Variants in CEP70 observed in about 807,000 individuals in gnomAD.
CEP70 encodes centrosomal protein 70, also known as centrosomal protein of 70 kDa.
A neutral mutation model predicts 90.9 loss-of-function variants in CEP70; 70 were observed. That is an observed-to-expected ratio of 0.77 (90% CI 0.64 to 0.94). CEP70 has a LOEUF of 0.94. CEP70 is among the 40% of genes least tolerant of loss of function. CEP70 has a pLI of 0.00. For synonymous variants in CEP70, 220 were observed against 228.3 expected (o/e 0.96, Z 0.33); for missense variants, 648 against 669.0 (o/e 0.97, Z 0.35).
At chr3:138,565,498 T>C (rs1267690401) in intron 6 of CEP70, among the ~76,000 whole-genome samples, 2 of 151,998 alleles carry the variant, frequency 1.3e-5, no homozygotes, top group Non-Finnish European at 2.9e-5. Flanking sequence ...GATATATAGA[T>C]CAATGGGACA....
chr3:138,556,743 G>C (rs1275327722), intron 6 of CEP70, among the ~76,000 whole-genome samples: 1 of 151,888 alleles, frequency 6.6e-6, no homozygotes, highest in Non-Finnish European at 1.5e-5. Flanking sequence ...TTTTTATTAG[G>C]GATTTTCAAA....
In CEP70 at chr3:138,521,006, C is replaced by T. The variant is rs982422444; in HGVS notation, c.944+4484G>A. Among the ~76,000 whole-genome samples the T allele has an allele frequency of 5.3e-5, 8 of 152,304 alleles. No homozygotes were observed. In the South Asian group the frequency reaches 8.3e-4, roughly 16 times the overall value. ...GTATTTTTTGGTGGAGACGGGGTTT[C>T]GCCATGTTGGCCGGGCTGCTCTCCA... is the stretch of plus-strand genomic sequence containing the variant. On this transcript the variant is annotated intron_variant, in intron 11 of 17. Coordinates refer to ENST00000264982, the MANE Select transcript of CEP70 (RefSeq NM_024491.4).
At chr3:138,564,013 G>T (rs2040600410) in intron 6 of CEP70, among the ~76,000 whole-genome samples, 1 of 152,086 alleles carries the variant, frequency 6.6e-6, no homozygotes, top group South Asian at 2.1e-4. Flanking sequence ...TGATAAAGGG[G>T]ATATCCCCAC....
chr3:138,500,452 C>CTAG lies in CEP70; in HGVS notation c.1481_1483dup (p.Thr494dup). The CTAG allele has an allele frequency of 6.2e-7, 1 of 1,609,222 alleles. No homozygotes were observed. Among genetic ancestry groups the CTAG allele is most frequent in the Non-Finnish European group, 8.5e-7 (1 of 1,178,884 alleles). ...CACAGCATTGTTCATTTCTCCAAGC[C>CTAG]TAGTATAAACTTCATTCATTCGGGG... On this transcript the variant is annotated inframe_insertion, in exon 15 of 18. Coordinates refer to ENST00000264982, the MANE Select transcript of CEP70 (RefSeq NM_024491.4).
At chr3:138,554,343 T>C (rs1161276983) in intron 6 of CEP70, among the ~76,000 whole-genome samples, 1 of 152,148 alleles carries the variant, frequency 6.6e-6, no homozygotes. Context: ...ATGAAAGCAT[T>C]CCCTTTGAGA....
intron 6 of CEP70, among the ~76,000 whole-genome samples, chr3:138,552,425 CACAAA>C (rs1265684933): frequency 6.6e-6 from 1 of 151,968 alleles, no homozygotes. Context: ...TATGATAGGC[CACAAA>C]ACAAGTCTCA....
At chr3:138,523,485 C>T (rs1240096268) in intron 11 of CEP70, among the ~76,000 whole-genome samples, 5 of 152,030 alleles carry the variant, frequency 3.3e-5, no homozygotes, top group African/African-American at 9.7e-5. Context: ...CCCATTGTCT[C>T]AGCCCAAAAT....
intron 17 of CEP70, chr3:138,496,697 C>G (rs2033978555): frequency 2.0e-6 from 2 of 985,230 alleles, no homozygotes; most frequent in Non-Finnish European, 2.4e-6. Flanking sequence ...CTTAGTGACA[C>G]CTATTAATTA....
At chr3:138,558,293 AG>A (rs1479538568) in intron 6 of CEP70, among the ~76,000 whole-genome samples, 1 of 152,146 alleles carries the variant, frequency 6.6e-6, no homozygotes, top group African/African-American at 2.4e-5. Flanking sequence ...TGAACCTGGG[AG>A]GTGGAGGTTG....
At chr3:138,581,388 A>G (rs2041847130) in intron 2 of CEP70, among the ~76,000 whole-genome samples, 1 of 151,908 alleles carries the variant, frequency 6.6e-6, no homozygotes, top group East Asian at 1.9e-4. Context: ...CTTAAAGAGG[A>G]AGTAGAAAGA....
intron 8 of CEP70, 75 bp downstream of exon 8, chr3:138,532,439 T>G: frequency 7.6e-7 from 1 of 1,317,260 alleles, no homozygotes; most frequent in South Asian, 1.7e-5. Context: ...TATTAAAGTT[T>G]CAAAAGCTAC....
intron 6 of CEP70, among the ~76,000 whole-genome samples, chr3:138,545,709 T>G (rs893376952): frequency 2.0e-5 from 3 of 152,082 alleles, no homozygotes; most frequent in African/African-American, 7.2e-5. Flanking sequence ...ATTAATACCC[T>G]GGGGAAGGAA....
chr3:138,555,060 C>T lies in CEP70; in HGVS notation c.465+15258G>A, dbSNP rs111533229. 4.2e-3 allele frequency among the ~76,000 whole-genome samples: 634 copies of T among 152,120 alleles called. 4 individuals are homozygous for T. The highest frequency in any genetic ancestry group is 0.014 in the African/African-American group (601 of 41,496). ...GGTCAGGAGTTCAAGACCAGCCTGG[C>T]GAACATTGTGAAACCCTGTCTCTAC... On this transcript the variant is annotated intron_variant, in intron 6 of 17. Transcript: ENST00000264982.
In CEP70 at chr3:138,556,527, C is replaced by CAA. The variant is rs57583939; in HGVS notation, c.465+13789_465+13790dup. ...TGGGTGACAGAGTGAGACTCTGTCTCAAAAAAAAAAAAAAAAAAAAAAAAG... is the reference window on the plus strand; with the variant it reads ...TGGGTGACAGAGTGAGACTCTGTCTCAAAAAAAAAAAAAAAAAAAAAAAAAAG... On this transcript the variant is annotated intron_variant, in intron 6 of 17. Coordinates refer to ENST00000264982, the MANE Select transcript of CEP70 (RefSeq NM_024491.4). Among the ~76,000 whole-genome samples, 193 of 69,456 alleles carry CAA rather than the reference C, an allele frequency of 2.8e-3. 2 individuals carry two copies. The highest frequency in any genetic ancestry group is 3.4e-3 in the Non-Finnish European group (133 of 39,548). The allele number at this position is 69,456 out of a possible 152,430, so 45.6% of individuals were successfully genotyped here. A position where few individuals can be genotyped will look rare whatever the true frequency, so the allele number is the denominator to read the frequency against.
chr3:138,505,681 G>GT (rs2034922722), intron 12 of CEP70, among the ~76,000 whole-genome samples: 1 of 152,146 alleles, frequency 6.6e-6, no homozygotes, highest in Non-Finnish European at 1.5e-5. Flanking sequence ...AAGGTAATGG[G>GT]TATTTGCAGT....
At chr3:138,526,042 T>C (rs2037211292) in intron 10 of CEP70, among the ~76,000 whole-genome samples, 1 of 152,222 alleles carries the variant, frequency 6.6e-6, no homozygotes, top group African/African-American at 2.4e-5. Context: ...AAATTTTTAC[T>C]ACATATTTAT....
intron 2 of CEP70, among the ~76,000 whole-genome samples, chr3:138,587,186 T>A (rs1382782463): frequency 6.6e-6 from 1 of 151,924 alleles, no homozygotes; most frequent in Non-Finnish European, 1.5e-5. Context: ...TAGTAACTTT[T>A]AAAAACTAAT....
At chr3:138,541,641 T>C (rs1176172388) in intron 6 of CEP70, among the ~76,000 whole-genome samples, 1 of 152,158 alleles carries the variant, frequency 6.6e-6, no homozygotes, top group Admixed American at 6.5e-5. Flanking sequence ...AAAGTGAATA[T>C]ACAGACAAAC....
At chr3:138,530,403 A>G (rs546734622) in intron 8 of CEP70, among the ~76,000 whole-genome samples, 11 of 152,230 alleles carry the variant, frequency 7.2e-5, no homozygotes, top group African/African-American at 2.4e-4. Context: ...AGTATTACAC[A>G]TAAACATATC....
Sources: allele counts gnomAD v4.1 joint callset (sites outside exome capture counted in the v4.1 genomes callset), GRCh38; gene constraint gnomAD v4.1.1; transcripts MANE v1.5; gene names NCBI Gene and HGNC (gene_info 2026-07-23, HGNC 2026-07-21).